Variants in ZNF85 observed in about 807,000 individuals in gnomAD.
The protein encoded by ZNF85 is zinc finger protein 85, also known as zinc finger protein 85 (HPF4, HTF1).
Under a neutral mutation model 53.9 loss-of-function variants are expected in ZNF85, and 50 were observed. The ratio of observed to expected loss-of-function variants is 0.93; its 90% CI spans 0.74 to 1.17. ZNF85 has a LOEUF of 1.17. Among genes scored for constraint, ZNF85 ranks in the 50% most tolerant of loss-of-function variants. The pLI, the probability that ZNF85 is intolerant of heterozygous loss-of-function variation, is 0.00. For synonymous variants in ZNF85, 225 were observed against 226.1 expected, an observed-to-expected ratio of 1.00 and a Z score of 0.04; for missense variants, 747 against 688.5, an observed-to-expected ratio of 1.08 and a Z score of -0.95.
At chr19:20,945,245 T>C (rs1217157736) in intron 3 of ZNF85, among the ~76,000 whole-genome samples, 1 of 152,206 alleles carries the variant, frequency 6.6e-6, no homozygotes, top group Non-Finnish European at 1.5e-5. Flanking sequence ...GTTTTTATCT[T>C]GCAAAGCTGA....
chr19:20,939,581 G>A (rs2144643070), intron 3 of ZNF85, among the ~76,000 whole-genome samples: 1 of 151,734 alleles, frequency 6.6e-6, no homozygotes, highest in Admixed American at 6.6e-5. Context: ...TCAGTTTATT[G>A]TGTTTTTTGC....
At chr19:20,925,005 A>C (rs922539130) in intron 1 of ZNF85, among the ~76,000 whole-genome samples, 13 of 152,152 alleles carry the variant, frequency 8.5e-5, no homozygotes, top group African/African-American at 3.1e-4. Flanking sequence ...TATGTTGGCT[A>C]GAGTGTCTAG....
chr19:20,935,318 C>T (rs774149287), intron 3 of ZNF85, among the ~76,000 whole-genome samples: 3 of 152,164 alleles, frequency 2.0e-5, no homozygotes, highest in South Asian at 2.1e-4. Context: ...TAAGAGACTG[C>T]GCAGTCTGGC....
chr19:20,941,807 G>T (rs1471408260), intron 3 of ZNF85, among the ~76,000 whole-genome samples: 1 of 29,868 alleles, frequency 3.3e-5, no homozygotes, highest in Non-Finnish European at 6.0e-5. Context: ...GTGTAATGCA[G>T]TTAAATTTTA....
intron 3 of ZNF85, chr19:20,936,945 A>C (rs929787933): frequency 6.2e-6 from 1 of 161,806 alleles, no homozygotes; most frequent in African/African-American, 2.4e-5. Flanking sequence ...CGATGAGCAC[A>C]ATATAGTTTT....
At chr19:20,940,430 G>A (rs922834782) in intron 3 of ZNF85, among the ~76,000 whole-genome samples, 7 of 152,092 alleles carry the variant, frequency 4.6e-5, no homozygotes, top group Non-Finnish European at 7.4e-5. Context: ...CAAGATCTTT[G>A]GAAGATTGAA....
chr19:20,930,449 C>T (rs1280975252), intron 1 of ZNF85, among the ~76,000 whole-genome samples: 7 of 151,476 alleles, frequency 4.6e-5, no homozygotes, highest in African/African-American at 1.5e-4. Context: ...TTTAGCTTTT[C>T]TTCTATGCAA....
rs553675401 is a variant in ZNF85, at chr19:20,944,517, ATATAAT to A, written c.230-4221_230-4216del. ...TTATATACTTATATATTATATTAAT[ATATAAT>A]TATAAACATATTTTCAAGTAGTATT... is the stretch of plus-strand genomic sequence containing the variant. On this transcript the variant is annotated intron_variant, in intron 3 of 3. Coordinates refer to ENST00000328178, the MANE Select transcript of ZNF85 (RefSeq NM_003429.5). Among the ~76,000 whole-genome samples, 503 of 146,026 alleles carry A rather than the reference ATATAAT, an allele frequency of 3.4e-3. 1 individual carries two copies. The highest frequency in any genetic ancestry group is 0.012 in the African/African-American group (467 of 40,416).
intron 1 of ZNF85, among the ~76,000 whole-genome samples, chr19:20,926,005 CAG>C (rs1972872122): frequency 6.6e-6 from 1 of 152,142 alleles, no homozygotes; most frequent in African/African-American, 2.4e-5. Context: ...GTTCCTTTGT[CAG>C]AGTGAGTTTA....
At position 20,949,677 on chromosome 19, in the gene ZNF85, A is replaced by C; in HGVS notation, c.1163A>C (p.His388Pro). 1.9e-6 allele frequency: 3 copies of C among 1,613,314 alleles called. No homozygotes were observed. The highest frequency in any genetic ancestry group is 2.5e-6 in the Non-Finnish European group (3 of 1,179,524). ...AATCATTTCTCACACCTTACTACACATAAGATAATTCATACTGGAGAGAAA... is the reference window on the plus strand; with the variant it reads ...AATCATTTCTCACACCTTACTACACCTAAGATAATTCATACTGGAGAGAAA... ...AFNHFSHLTT[H>P]KIIHTGEKPY... Residue 388 changes from histidine to proline, a missense_variant, in exon 4 of 4, where the codon CAT becomes CCT. By Grantham distance (77) the His-to-Pro change is moderately conservative. Transcript: ENST00000328178.
intron 3 of ZNF85, chr19:20,937,457 C>T (rs779145870): frequency 1.7e-5 from 7 of 412,250 alleles, no homozygotes; most frequent in African/African-American, 4.1e-5. Flanking sequence ...GCTGGGTCTG[C>T]ACTAGGGTCC....
chr19:20,926,516 G>A (rs562531330), intron 1 of ZNF85, among the ~76,000 whole-genome samples: 1 of 151,666 alleles, frequency 6.6e-6, no homozygotes. Flanking sequence ...AAAACCAAGG[G>A]AATAAATCTG....
chr19:20,942,067 C>T (rs1462087787), intron 3 of ZNF85, among the ~76,000 whole-genome samples: 1 of 152,022 alleles, frequency 6.6e-6, no homozygotes, highest in African/African-American at 2.4e-5. Flanking sequence ...ATCATTTGAT[C>T]ATATACAGAT....
At chr19:20,929,526 T>C (rs1014388490) in intron 1 of ZNF85, among the ~76,000 whole-genome samples, 3 of 152,184 alleles carry the variant, frequency 2.0e-5, no homozygotes, top group Non-Finnish European at 4.4e-5. Context: ...ATATGTATCT[T>C]ATAATAAAAT....
chr19:20,939,925 G>T (rs561078976), intron 3 of ZNF85, among the ~76,000 whole-genome samples: 1 of 150,594 alleles, frequency 6.6e-6, no homozygotes, highest in East Asian at 2.0e-4. Flanking sequence ...TCGAACTCCC[G>T]ACCTCAGGTG....
At chr19:20,933,996 TG>T in intron 1 of ZNF85, 27 bp from the exon 2 acceptor site, 3 of 1,521,748 alleles carry the variant, frequency 2.0e-6, no homozygotes, top group Non-Finnish European at 2.7e-6. Flanking sequence ...TGTGTGTGTG[TG>T]TATGTGTATG....
Position 20,950,201 on chromosome 19 carries a change from G to A in ZNF85, c.1687G>A (p.Glu563Lys). 1 of 1,612,046 alleles carries A rather than the reference G, an allele frequency of 6.2e-7. No individual in the cohort carries two copies. Among genetic ancestry groups the A allele is most frequent in the Non-Finnish European group, 8.5e-7 (1 of 1,179,324 alleles). The change falls in exon 4 of 4, where the codon GAA becomes AAA. Residue 563 changes from glutamate to lysine, a missense_variant. By Grantham distance (56) the Glu-to-Lys change is moderately conservative. Coordinates refer to ENST00000328178, the MANE Select transcript of ZNF85 (RefSeq NM_003429.5). ...TAAACATAAGAGAATTCATACTGGA[G>A]AAAAACCTTACAAATGTGAAGAATG... ...LTKHKRIHTG[E>K]KPYKCEECDK...
intron 3 of ZNF85, among the ~76,000 whole-genome samples, chr19:20,941,418 A>G (rs1973292590): frequency 6.6e-6 from 1 of 152,116 alleles, no homozygotes; most frequent in Non-Finnish European, 1.5e-5. Context: ...ACATGCCGTC[A>G]CACCCGGCTA....
chr19:20,932,227 C>T (rs1973040233), intron 1 of ZNF85, among the ~76,000 whole-genome samples: 1 of 152,096 alleles, frequency 6.6e-6, no homozygotes, highest in African/African-American at 2.4e-5. Flanking sequence ...AAAAAAATGG[C>T]TTCTTTTTTT....
Sources: allele counts gnomAD v4.1 joint callset (sites outside exome capture counted in the v4.1 genomes callset), GRCh38; gene constraint gnomAD v4.1.1; transcripts MANE v1.5; gene names NCBI Gene and HGNC (gene_info 2026-07-23, HGNC 2026-07-21).